Variants in SPNS3 observed in about 807,000 individuals in gnomAD.
The protein encoded by SPNS3 is protein spinster homolog 3.
Under a neutral mutation model 54.4 loss-of-function variants are expected in SPNS3, and 51 were observed. The observed-to-expected ratio is 0.94, with a 90% CI of 0.75 to 1.18. SPNS3 has a LOEUF of 1.18. Among genes scored for constraint, SPNS3 ranks in the 50% most tolerant of loss-of-function variants. The pLI is 0.00. For missense variants in SPNS3, 669 were observed against 677.4 expected (o/e 0.99, Z 0.14); for synonymous variants, 309 against 294.7 (o/e 1.05, Z -0.50).
chr17:4,477,970 C>CTT (rs397837193), intron 8 of SPNS3, among the ~76,000 whole-genome samples: 27,316 of 96,994 alleles, frequency 0.28, 5,471 homozygotes, highest in South Asian at 0.39. Context: ...TTCACTTTTC[C>CTT]TTTTTTTTTT....
In SPNS3 at chr17:4,448,157, C is replaced by A; in HGVS notation, c.624C>A (p.Val208=). The A allele has an allele frequency of 6.3e-7, 1 of 1,590,624 alleles. No homozygotes were observed. The highest frequency in any genetic ancestry group is 1.1e-5 in the South Asian group (1 of 87,156). ...LTGNWRWALR[V]MPCLEAVALI... is the part of the protein sequence containing the mutation. ...TTCCTGGGCCCTCCTGTCCCCAGGT[C>A]ATGCCCTGCCTGGAGGCCGTGGCCT... Residue 208 remains valine, a splice_region_variant and synonymous_variant, in exon 6 of 12, where the codon GTC becomes GTA. Coordinates refer to ENST00000355530, the MANE Select transcript of SPNS3 (RefSeq NM_182538.5).
At position 4,486,610 on chromosome 17, in the gene SPNS3, G is replaced by A. The variant is rs1972325570; in HGVS notation, c.1450+27G>A. 6.3e-7 allele frequency: 1 copy of A among 1,590,416 alleles called. No individual in the cohort carries two copies. On this transcript the variant is annotated intron_variant, in intron 11 of 11. Transcript: ENST00000355530. This position sits in a 1 kb window ranked among gnomAD's most constrained non-coding sequence, Gnocchi z 5.5. Reference sequence around the variant, plus strand: ...TACCCTACCCATTGCACCAGGCCCGGCTCAGGGCCGGCACCCTAGGGACAG... The same window carrying A: ...TACCCTACCCATTGCACCAGGCCCGACTCAGGGCCGGCACCCTAGGGACAG...
intron 8 of SPNS3, among the ~76,000 whole-genome samples, chr17:4,458,646 T>TTTCTTTCTTTCCTTCC (rs748150277): frequency 1.6e-5 from 2 of 128,084 alleles, no homozygotes; most frequent in African/African-American, 3.0e-5. Flanking sequence ...TCTTTCTTTC[T>TTTCTTTCTTTCCTTCC]TTCCTTCCTT....
intron 7 of SPNS3, among the ~76,000 whole-genome samples, chr17:4,450,615 AG>A (rs1971137788): frequency 6.7e-6 from 1 of 149,724 alleles, no homozygotes; most frequent in Admixed American, 6.7e-5. Flanking sequence ...TTTTTTTTTG[AG>A]ACAGAGTTTC....
In SPNS3 at chr17:4,478,558, C is replaced by T. The variant is rs374665467; in HGVS notation, c.1114-14C>T. ...GATCTGGGAATCCTCACCCAGGCCA[C>T]CCTCTGTCCACAGGTGTTCCTGGGC... On this transcript the variant is annotated splice_polypyrimidine_tract_variant and intron_variant, in intron 8 of 11. Transcript: ENST00000355530. 1 of 1,563,318 alleles carries T rather than the reference C, an allele frequency of 6.4e-7. No homozygotes were observed. The highest frequency in any genetic ancestry group is 8.7e-7 in the Non-Finnish European group (1 of 1,152,810).
At chr17:4,453,284 C>A in intron 8 of SPNS3, 79 bp downstream of exon 8, 1 of 1,364,932 alleles carries the variant, frequency 7.3e-7, no homozygotes, top group Non-Finnish European at 1.0e-6. Flanking sequence ...ATGCTGCGCC[C>A]GGCCTTTATG....
In SPNS3 at chr17:4,483,101, C is replaced by T. The variant is rs1196672979; in HGVS notation, c.1180-3127C>T. On this transcript the variant is annotated intron_variant, in intron 9 of 11. Coordinates refer to ENST00000355530, the MANE Select transcript of SPNS3 (RefSeq NM_182538.5). The surrounding 1 kb of genome is among the most constrained non-coding windows in gnomAD (Gnocchi z 4.2). ...GCTTCCCTGCTCAGCCTCTGCCCCC[C>T]AGGTAGCTGTCTGCTCACTGGCCTG... 6.6e-6 allele frequency among the ~76,000 whole-genome samples: 1 copy of T among 152,206 alleles called. No homozygotes were observed. Among genetic ancestry groups the T allele is most frequent in the African/African-American group, 2.4e-5 (1 of 41,456 alleles).
chr17:4,461,949 A>G (rs905698230), intron 8 of SPNS3, among the ~76,000 whole-genome samples: 5 of 152,196 alleles, frequency 3.3e-5, no homozygotes, highest in East Asian at 3.8e-4. Flanking sequence ...AATCATCCCT[A>G]AAACTTCAAA....
rs1970651188 is a variant in SPNS3, at chr17:4,434,027, G to T, written c.60G>T (p.Gln20His). ...CTGGGCCAGGAGGTCTGCAGGGCCA[G>T]TCCCCAGGGCCAGGCAGGCAGTGTC... ...PEPGPGGLQG[Q>H]SPGPGRQCPP... Residue 20 changes from glutamine (Q) to histidine (H), a missense_variant, in exon 1 of 12, where the codon CAG becomes CAT. Transcript: ENST00000355530. 6 of 1,605,278 alleles carry T rather than the reference G, an allele frequency of 3.7e-6. No homozygotes were observed. Among genetic ancestry groups the T allele is most frequent in the East Asian group, 2.3e-5 (1 of 44,174 alleles).
At chr17:4,446,367 C>G (rs1227537617) in intron 4 of SPNS3, among the ~76,000 whole-genome samples, 168 bp downstream of exon 4, 1 of 152,178 alleles carries the variant, frequency 6.6e-6, no homozygotes, top group African/African-American at 2.4e-5. Context: ...GCCTCAGTTT[C>G]CTCATCTGTA....
In SPNS3 at chr17:4,483,366, T is replaced by C. The variant is rs1188443302; in HGVS notation, c.1180-2862T>C. On this transcript the variant is annotated intron_variant, in intron 9 of 11. Transcript: ENST00000355530. This position sits in a 1 kb window ranked among gnomAD's most constrained non-coding sequence, Gnocchi z 4.2. ...GCCTCTTATTTCTGAAATTACCCCC[T>C]GGGCTCTCCAGCTTCTGTGGGCCCA... 1 of 152,280 alleles carries C rather than the reference T, an allele frequency of 6.6e-6. No individual in the cohort carries two copies. The highest frequency in any genetic ancestry group is 6.5e-5 in the Admixed American group (1 of 15,284). 9.4% of individuals were successfully genotyped at this position (152,280 alleles called of 1,614,324 possible). A position where few individuals can be genotyped will look rare whatever the true frequency, so the allele number is the denominator to read the frequency against.
chr17:4,458,518 TCCCACCCG>T (rs1360354741), intron 8 of SPNS3, among the ~76,000 whole-genome samples: 18 of 97,142 alleles, frequency 1.9e-4, no homozygotes, highest in South Asian at 1.7e-3. Context: ...CCTTCCTCCC[TCCCACCCG>T]CCTTCCTTCC....
intron 5 of SPNS3, 150 bp downstream of exon 5, chr17:4,447,112 G>A: frequency 1.3e-6 from 1 of 774,750 alleles, no homozygotes; most frequent in Non-Finnish European, 2.2e-6. Context: ...TTGGACATGT[G>A]GGGCCTCATA....
At chr17:4,444,308 A>G (rs531708293) in intron 2 of SPNS3, among the ~76,000 whole-genome samples, 126 of 151,130 alleles carry the variant, frequency 8.3e-4, no homozygotes, top group Non-Finnish European at 1.2e-3. Context: ...TCCGCCTCCC[A>G]GGTTCAAACG....
rs917959108 is a variant in SPNS3 at position 4,486,015 on chromosome 17, C to T, written c.1180-213C>T. ...GGGTGGCCCTGATCAGGGGCCTTGGCACCCCCATCCTGGGGCACTGGGGAA... is the reference window on the plus strand; with the variant it reads ...GGGTGGCCCTGATCAGGGGCCTTGGTACCCCCATCCTGGGGCACTGGGGAA... On this transcript the variant is annotated intron_variant, in intron 9 of 11. Transcript: ENST00000355530. The surrounding 1 kb of genome is among the most constrained non-coding windows in gnomAD (Gnocchi z 5.5). The T allele has an allele frequency of 4.2e-6, 2 of 473,720 alleles. No homozygotes were observed. Among genetic ancestry groups the T allele is most frequent in the Non-Finnish European group, 7.4e-6 (2 of 271,826 alleles). 29.3% of individuals were successfully genotyped at this position (473,720 alleles called of 1,614,324 possible). A position where few individuals can be genotyped will look rare whatever the true frequency, so the allele number is the denominator to read the frequency against.
At chr17:4,468,881 C>A (rs1157460772) in intron 8 of SPNS3, among the ~76,000 whole-genome samples, 1 of 151,140 alleles carries the variant, frequency 6.6e-6, no homozygotes, top group South Asian at 2.1e-4. Flanking sequence ...CTCCACCTCC[C>A]GGGTTCAAGT....
At chr17:4,468,981 T>G (rs1449322206) in intron 8 of SPNS3, among the ~76,000 whole-genome samples, 1 of 150,852 alleles carries the variant, frequency 6.6e-6, no homozygotes, top group African/African-American at 2.4e-5. Context: ...GAGACGGGGG[T>G]TTCACGATGT....
intron 8 of SPNS3, among the ~76,000 whole-genome samples, chr17:4,458,378 CCTTTCTTTCTT>C (rs1035161685): frequency 8.5e-5 from 10 of 117,492 alleles, no homozygotes; most frequent in Non-Finnish European, 1.7e-4. Context: ...TCCCTCCCTC[CCTTTCTTTCTT>C]CTTTCTTTCT....
chr17:4,488,022 C>A lies in SPNS3; in HGVS notation c.*128C>A. The A allele has an allele frequency of 1.3e-6, 1 of 782,978 alleles. No individual in the cohort carries two copies. Among genetic ancestry groups the A allele is most frequent in the South Asian group, 1.7e-5 (1 of 59,306 alleles). 48.5% of individuals were successfully genotyped at this position (782,978 alleles called of 1,614,324 possible). On this transcript the variant is annotated 3_prime_UTR_variant, in exon 12 of 12. Coordinates refer to ENST00000355530, the MANE Select transcript of SPNS3 (RefSeq NM_182538.5). Reference sequence around the variant, plus strand: ...ACATCTGCCACTTTTGAATTCCCGGCTGGAGAGCTGGCAGGACCCTGTGGC... The same window carrying A: ...ACATCTGCCACTTTTGAATTCCCGGATGGAGAGCTGGCAGGACCCTGTGGC...
Sources: gnomAD v4.1 joint callset for allele counts (sites outside exome capture counted in the v4.1 genomes callset) on GRCh38, gnomAD v4.1.1 for gene constraint, Gnocchi (gnomAD v3.1) non-coding constraint, MANE v1.5 for transcripts, NCBI Gene and HGNC (gene_info 2026-07-23, HGNC 2026-07-21) for gene names.